The following ASXL3 variants were observed in gnomAD, a reference collection of about 807,000 sequenced individuals.
ASXL3 encodes the protein putative Polycomb group protein ASXL3.
A neutral mutation model predicts 170.6 loss-of-function variants in ASXL3; 34 were observed. That is an observed-to-expected ratio of 0.20 (90% CI 0.15 to 0.27). The LOEUF is 0.27. ASXL3 is among the 10% of genes least tolerant of loss of function. ASXL3 has a pLI of 1.00. For missense variants in ASXL3, 2,592 were observed against 2,695.3 expected (o/e 0.96, Z 0.85); for synonymous variants, 1,002 against 989.1 (o/e 1.01, Z -0.24).
In ASXL3 at chr18:33,670,782, C is replaced by T. The variant is rs374451313; in HGVS notation, c.587C>T (p.Ser196Leu). 34 of 1,541,418 alleles carry T rather than the reference C, an allele frequency of 2.2e-5. No individual in the cohort carries two copies. Among genetic ancestry groups the T allele is most frequent in the South Asian group, 3.7e-5 (3 of 81,330 alleles). ...PLKVSDEQSD[S>L]PSGSESKNGE... Reference sequence around the variant, plus strand: ...AAGGTGTCTGATGAGCAGTCGGATTCGCCTTCAGGTAAAGAGCTGAAATAT... The same window carrying T: ...AAGGTGTCTGATGAGCAGTCGGATTTGCCTTCAGGTAAAGAGCTGAAATAT... Residue 196 changes from serine (S) to leucine (L), a missense_variant, in exon 6 of 12, where the codon TCG becomes TTG. Physicochemically the swap from Ser to Leu is moderately radical, Grantham distance 145. Transcript: ENST00000269197.
At chr18:33,633,843 CAAA>C (rs59859337) in intron 2 of ASXL3, among the ~76,000 whole-genome samples, 11,564 of 86,912 alleles carry the variant, frequency 0.13, 424 homozygotes, top group African/African-American at 0.22. Flanking sequence ...GACTCCATCT[CAAA>C]AAAAAAAAAA....
intron 8 of ASXL3, among the ~76,000 whole-genome samples, chr18:33,713,248 G>GTTTTTTTTTTTTTTTTTTT (rs1226619353): frequency 1.1e-4 from 7 of 65,100 alleles, no homozygotes; most frequent in Admixed American, 2.0e-4. Context: ...GTTTTGTTTT[G>GTTTTTTTTTTTTTTTTTTT]TTTTTTTTTT....
chr18:33,709,020 A>T (rs943764698), intron 8 of ASXL3, among the ~76,000 whole-genome samples: 4 of 152,216 alleles, frequency 2.6e-5, no homozygotes, highest in African/African-American at 9.6e-5. Flanking sequence ...GCCGATAAAC[A>T]TATGAAAATT....
intron 8 of ASXL3, among the ~76,000 whole-genome samples, chr18:33,687,326 C>A (rs2066612914): frequency 6.6e-6 from 1 of 152,152 alleles, no homozygotes; most frequent in Non-Finnish European, 1.5e-5. Context: ...TGAAGATGAA[C>A]ACCACTGTTT....
chr18:33,726,414 C>T (rs564681585), intron 8 of ASXL3, among the ~76,000 whole-genome samples: 3 of 152,170 alleles, frequency 2.0e-5, no homozygotes, highest in African/African-American at 7.2e-5. Flanking sequence ...GTACAATAGC[C>T]ACTAGCCACT....
At chr18:33,725,198 T>G (rs2067329169) in intron 8 of ASXL3, among the ~76,000 whole-genome samples, 1 of 152,148 alleles carries the variant, frequency 6.6e-6, no homozygotes, top group African/African-American at 2.4e-5. Flanking sequence ...TTGTATTGTA[T>G]TAGACTCCTG....
In ASXL3 at chr18:33,743,759, C is replaced by T; in HGVS notation, c.3911C>T (p.Pro1304Leu). 1 of 1,613,918 alleles carries T rather than the reference C, an allele frequency of 6.2e-7. No homozygotes were observed. The highest frequency in any genetic ancestry group is 8.5e-7 in the Non-Finnish European group (1 of 1,179,880). ...AIIPKCIESTPISATTEGSSI... is the reference protein window; with the variant it reads ...AIIPKCIESTLISATTEGSSI... ...ATACCAAAATGTATTGAAAGCACTCCCATTTCAGCCACTACAGAGGGCTCC... is the reference window on the plus strand; with the variant it reads ...ATACCAAAATGTATTGAAAGCACTCTCATTTCAGCCACTACAGAGGGCTCC... The change falls in exon 12 of 12, where the codon CCC becomes CTC. Residue 1304 changes from proline to leucine, a missense_variant. Pro to Leu is a moderately conservative substitution (Grantham distance 98). This residue lies in a region of ASXL3 where 2,246 missense variants were observed against 2,219.6 expected (regional missense o/e 1.01). Transcript: ENST00000269197.
chr18:33,737,449 A>G (rs982386607), intron 10 of ASXL3, among the ~76,000 whole-genome samples: 2 of 152,118 alleles, frequency 1.3e-5, no homozygotes, highest in South Asian at 4.1e-4. Flanking sequence ...AGAGCAGCAT[A>G]TTTCTCTACC....
chr18:33,612,970 T>C (rs1408901713), intron 2 of ASXL3, among the ~76,000 whole-genome samples: 1 of 152,080 alleles, frequency 6.6e-6, no homozygotes, highest in Non-Finnish European at 1.5e-5. Flanking sequence ...AACATCTAAT[T>C]CTCTCATTGT....
At chr18:33,642,504 A>G (rs966572895) in intron 2 of ASXL3, among the ~76,000 whole-genome samples, 1 of 151,960 alleles carries the variant, frequency 6.6e-6, no homozygotes, top group Non-Finnish European at 1.5e-5. Context: ...TTTGCATTTG[A>G]CTGCAAATTA....
intron 8 of ASXL3, among the ~76,000 whole-genome samples, chr18:33,710,434 G>C (rs1212925827): frequency 6.6e-6 from 1 of 152,176 alleles, no homozygotes; most frequent in African/African-American, 2.4e-5. Context: ...AGAAAGAATT[G>C]TCCATAATTA....
intron 2 of ASXL3, among the ~76,000 whole-genome samples, chr18:33,619,346 C>T (rs2065474337): frequency 6.6e-6 from 1 of 151,900 alleles, no homozygotes; most frequent in Admixed American, 6.6e-5. Flanking sequence ...TTATTGCTAT[C>T]CTATATGATT....
chr18:33,688,202 C>G lies in ASXL3; in HGVS notation c.879+4634C>G, dbSNP rs1019533797. 3.9e-5 allele frequency among the ~76,000 whole-genome samples: 6 copies of G among 152,146 alleles called. No homozygotes were observed. In the South Asian group the frequency reaches 1.2e-3, roughly 32 times the overall value. ...TTGGCCTAAACCCAGTACGCCTGTC[C>G]TTGGAGCTCAGAGAGTGTGTTCATC... is the stretch of plus-strand genomic sequence containing the variant. On this transcript the variant is annotated intron_variant, in intron 8 of 11. Coordinates refer to ENST00000269197, the MANE Select transcript of ASXL3 (RefSeq NM_030632.3).
At chr18:33,667,307 T>C (rs527540110) in intron 5 of ASXL3, among the ~76,000 whole-genome samples, 1 of 152,202 alleles carries the variant, frequency 6.6e-6, no homozygotes, top group African/African-American at 2.4e-5. Flanking sequence ...AATAACAAAA[T>C]CAGGAAACCC....
Position 33,578,649 on chromosome 18 carries a change from G to GA in ASXL3, c.20dup (p.Lys8GlufsTer54). ...ATGCAAACATGAAAGACAAGAGGAA[G>GA]AAGAAGGACCGCACCTGGGCCGAGG... is the stretch of plus-strand genomic sequence containing the variant. On this transcript the variant is annotated frameshift_variant, in exon 1 of 12. Transcript: ENST00000269197. LOFTEE classifies it high-confidence loss of function. 7.3e-7 allele frequency: 1 copy of GA among 1,364,828 alleles called. No individual in the cohort carries two copies. The highest frequency in any genetic ancestry group is 9.7e-7 in the Non-Finnish European group (1 of 1,033,152). The allele number at this position is 1,364,828 out of a possible 1,614,324, so 84.5% of individuals were successfully genotyped here.
At chr18:33,640,870 GTACAGAATTAATTTTTTTACATTTCTA>G (rs1465244951) in intron 2 of ASXL3, among the ~76,000 whole-genome samples, 41 of 151,644 alleles carry the variant, frequency 2.7e-4, no homozygotes, top group Non-Finnish European at 5.6e-4. Context: ...TGCTTTTGTT[GTACAGAATTAATTTTTTTACATTTCTA>G]TATTTAAAAA....
chr18:33,746,347 G>A lies in ASXL3; in HGVS notation c.6499G>A (p.Ala2167Thr). The change falls in exon 12 of 12, where the codon GCA (alanine) becomes ACA (threonine). Residue 2167 changes from alanine (A) to threonine (T), a missense_variant. Ala to Thr is a moderately conservative substitution (Grantham distance 58). Around this residue, in one of 4 missense-constraint regions of ASXL3, gnomAD observed 2,246 missense variants for 2,219.6 expected, o/e 1.01. Coordinates refer to ENST00000269197, the MANE Select transcript of ASXL3 (RefSeq NM_030632.3). Reference sequence around the variant, plus strand: ...CTTTGGTAGCACGAGTTTCAAAAGGGCAGCATCTGCAATTGAAAAGTCCAT... The same window carrying A: ...CTTTGGTAGCACGAGTTTCAAAAGGACAGCATCTGCAATTGAAAAGTCCAT... Reference protein sequence around the residue: ...IHFGSTSFKRAASAIEKSIGI... With the variant: ...IHFGSTSFKRTASAIEKSIGI... The A allele has an allele frequency of 2.5e-6, 4 of 1,613,990 alleles. No individual in the cohort carries two copies. Among genetic ancestry groups the A allele is most frequent in the Non-Finnish European group, 3.4e-6 (4 of 1,179,868 alleles).
At chr18:33,642,401 CG>C (rs1258255226) in intron 2 of ASXL3, among the ~76,000 whole-genome samples, 1 of 151,580 alleles carries the variant, frequency 6.6e-6, no homozygotes, top group African/African-American at 2.4e-5. Flanking sequence ...TTTAAAAAAA[CG>C]GACCAGAATA....
intron 2 of ASXL3, among the ~76,000 whole-genome samples, chr18:33,616,398 CTGTGTGTGTGTGTG>C (rs34006188): frequency 0.096 from 14,299 of 149,620 alleles, 921 homozygotes; most frequent in African/African-American, 0.18. Context: ...TTGTGTGTGC[CTGTGTGTGTGTGTG>C]TGTGTGTGTG....
Sources: gnomAD v4.1 joint callset for allele counts (sites outside exome capture counted in the v4.1 genomes callset) on GRCh38, gnomAD v4.1.1 for gene constraint, gnomAD v4.1.1 regional missense constraint, MANE v1.5 for transcripts, NCBI Gene and HGNC (gene_info 2026-07-23, HGNC 2026-07-21) for gene names.